The following HEXA variants were observed in gnomAD, a reference collection of about 807,000 sequenced individuals.
HEXA encodes hexosaminidase subunit alpha.
A neutral mutation model predicts 73.3 loss-of-function variants in HEXA; 54 were observed. The ratio of observed to expected loss-of-function variants is 0.74; its 90% CI spans 0.59 to 0.92. The LOEUF (loss-of-function observed/expected upper bound fraction) is 0.92, where lower values mean the gene tolerates loss of function less well. Ranked by LOEUF, HEXA falls within the 40% of genes least tolerant of loss-of-function variation. The pLI is 0.00. For synonymous variants in HEXA, 230 were observed against 246.9 expected (o/e 0.93, Z 0.64); for missense variants, 649 against 653.0 (o/e 0.99, Z 0.07).
chr15:72,360,316 C>T (rs2088837418), intron 1 of HEXA: 1 of 152,596 alleles, frequency 6.6e-6, no homozygotes, highest in Admixed American at 6.5e-5. Flanking sequence ...TCTTCTATCT[C>T]CATCATTGCT....
chr15:72,352,768 A>T (rs942967168), intron 5 of HEXA, among the ~76,000 whole-genome samples: 10 of 151,190 alleles, frequency 6.6e-5, no homozygotes, highest in Non-Finnish European at 1.5e-4. Context: ...GGTTCATGCG[A>T]TTCTCCTGCC....
At chr15:72,370,022 T>A (rs1254757616) in intron 1 of HEXA, 2 of 142,882 alleles carry the variant, frequency 1.4e-5, no homozygotes, top group African/African-American at 5.3e-5. Flanking sequence ...TATTATACCC[T>A]CCCTTAAAGA....
chr15:72,345,375 C>T (rs1177719987), intron 13 of HEXA, 71 bp downstream of exon 13: 1 of 1,600,780 alleles, frequency 6.2e-7, no homozygotes, highest in Non-Finnish European at 8.5e-7. Context: ...TATTGTCTTC[C>T]TCTCTCTAAG....
At chr15:72,365,175 C>T (rs1416160479) in intron 1 of HEXA, among the ~76,000 whole-genome samples, 2 of 152,162 alleles carry the variant, frequency 1.3e-5, no homozygotes, top group African/African-American at 2.4e-5. Context: ...CCGCAAGCTC[C>T]GCCTCCCAGG....
At chr15:72,369,836 A>G (rs1365823479) in intron 1 of HEXA, 1 of 152,244 alleles carries the variant, frequency 6.6e-6, no homozygotes, top group East Asian at 1.9e-4. Flanking sequence ...ACGGTTAAAA[A>G]CAAACAACAA....
chr15:72,355,770 C>T (rs964780852), intron 2 of HEXA, 146 bp from the exon 3 acceptor site: 13 of 670,938 alleles, frequency 1.9e-5, no homozygotes, highest in Non-Finnish European at 3.0e-5. Context: ...AGGAGATGTC[C>T]CCAGAGCAAG....
In HEXA at chr15:72,343,801, C is replaced by A. The variant is rs1595795280; in HGVS notation, c.*276G>T. The A allele has an allele frequency of 2.4e-6, 1 of 422,916 alleles. No individual in the cohort carries two copies. The highest frequency in any genetic ancestry group is 4.4e-6 in the Non-Finnish European group (1 of 224,764). 26.2% of individuals were successfully genotyped at this position (422,916 alleles called of 1,614,324 possible). On this transcript the variant is annotated 3_prime_UTR_variant, in exon 14 of 14. Transcript: ENST00000268097. ...TCCCAGCCCTCAACTTAAAAGACCT[C>A]AGGGGCAGACACTGACTCCAGCCTG... is the stretch of plus-strand genomic sequence containing the variant.
At chr15:72,350,715 A>G (rs942997492) in intron 6 of HEXA, 65 bp from the exon 7 acceptor site, 2 of 1,594,600 alleles carry the variant, frequency 1.3e-6, no homozygotes, top group Admixed American at 3.3e-5. Context: ...GAAGATACTC[A>G]AAATGCCCAC....
At chr15:72,364,653 A>G (rs2088893022) in intron 1 of HEXA, among the ~76,000 whole-genome samples, 1 of 152,126 alleles carries the variant, frequency 6.6e-6, no homozygotes, top group Admixed American at 6.6e-5. Flanking sequence ...TCCTCTTCCA[A>G]GTTACTGTAC....
At position 72,344,149 on chromosome 15, in the gene HEXA, G is replaced by A; in HGVS notation, c.1527-9C>T. 6.2e-7 allele frequency: 1 copy of A among 1,613,034 alleles called. No individual in the cohort carries two copies. Among genetic ancestry groups the A allele is most frequent in the Non-Finnish European group, 8.5e-7 (1 of 1,179,136 alleles). ...GGGCCTGGACACCTCGCCTGCAAGA[G>A]GACATGAAGAAATGGCAAGATAAGC... On this transcript the variant is annotated splice_polypyrimidine_tract_variant and intron_variant, in intron 13 of 13. Transcript: ENST00000268097.
chr15:72,346,751 A>G, intron 10 of HEXA, 41 bp from the exon 11 acceptor site: 4 of 1,594,046 alleles, frequency 2.5e-6, no homozygotes, highest in Non-Finnish European at 3.4e-6. Flanking sequence ...CACAAAGCTG[A>G]GGAGATTCCT....
intron 1 of HEXA, chr15:72,357,594 G>A (rs1197296372): frequency 6.6e-6 from 1 of 151,974 alleles, no homozygotes; most frequent in Admixed American, 6.6e-5. Context: ...TTCTTTCCTG[G>A]AGCCATATTC....
Position 72,350,151 on chromosome 15 carries a change from T to C in HEXA, c.805+367A>G, listed in dbSNP as rs2088676114. ...GGCTCACACTGGAGGGCTGAGGGTATACAGAAGAAAGGGAGCAGGGGTACT... is the reference window on the plus strand; with the variant it reads ...GGCTCACACTGGAGGGCTGAGGGTACACAGAAGAAAGGGAGCAGGGGTACT... On this transcript the variant is annotated intron_variant, in intron 7 of 13. Coordinates refer to ENST00000268097, the MANE Select transcript of HEXA (RefSeq NM_000520.6). 4 of 349,928 alleles carry C rather than the reference T, an allele frequency of 1.1e-5. No homozygotes were observed. The Admixed American group carries it at 1.2e-4, about 10-fold the overall frequency. 21.7% of individuals were successfully genotyped at this position (349,928 alleles called of 1,614,324 possible).
At chr15:72,355,191 A>G in intron 3 of HEXA, 1 of 346,608 alleles carries the variant, frequency 2.9e-6, no homozygotes, top group Non-Finnish European at 5.6e-6. Context: ...TTCCAGGGAC[A>G]ATTCCACAGA....
chr15:72,345,720 C>T, intron 12 of HEXA, 170 bp from the exon 13 acceptor site: 1 of 999,642 alleles, frequency 1.0e-6, no homozygotes, highest in Non-Finnish European at 1.5e-6. Context: ...CCAGAGAGTT[C>T]TACGGCTCAG....
At chr15:72,349,313 A>G (rs1463310570) in intron 7 of HEXA, 54 bp from the exon 8 acceptor site, 14 of 1,343,212 alleles carry the variant, frequency 1.0e-5, no homozygotes, top group Non-Finnish European at 6.4e-6. Context: ...ACCCCCACGC[A>G]CAGTCCTACA....
chr15:72,355,737 A>G (rs966909756), intron 2 of HEXA, 113 bp from the exon 3 acceptor site: 4 of 781,158 alleles, frequency 5.1e-6, no homozygotes, highest in South Asian at 1.4e-5. Flanking sequence ...GTAAGACCAT[A>G]TATTTTAAAA....
In HEXA at chr15:72,344,111, A is replaced by G; in HGVS notation, c.1556T>C (p.Val519Ala). 1.2e-6 allele frequency: 2 copies of G among 1,613,910 alleles called. No homozygotes were observed. The highest frequency in any genetic ancestry group is 1.3e-5 in the African/African-American group (1 of 75,034). Residue 519 changes from valine (V) to alanine (A), a missense_variant, in exon 14 of 14, where the codon GTA becomes GCA. By Grantham distance (64) the Val-to-Ala change is moderately conservative. Coordinates refer to ENST00000268097, the MANE Select transcript of HEXA (RefSeq NM_000520.6). ...RRGVQAQPLN[V>A]GFCEQEFEQT is the part of the protein sequence containing the mutation. ...TTCAAACTCCTGCTCACAGAAGCCT[A>G]CATTGAGGGGTTGGGCCTGGACACC...
chr15:72,347,513 G>C (rs925295202), intron 10 of HEXA, among the ~76,000 whole-genome samples, 173 bp downstream of exon 10: 3 of 152,112 alleles, frequency 2.0e-5, no homozygotes, highest in Non-Finnish European at 4.4e-5. Context: ...GATTACAGGC[G>C]TGAGCCACTG....
Sources: allele counts gnomAD v4.1 joint callset (sites outside exome capture counted in the v4.1 genomes callset), GRCh38; gene constraint gnomAD v4.1.1; transcripts MANE v1.5; gene names NCBI Gene and HGNC (gene_info 2026-07-23, HGNC 2026-07-21).